The following ADARB2 variants were observed in gnomAD, a reference collection of about 807,000 sequenced individuals.
The protein encoded by ADARB2 is adenosine deaminase RNA specific B2 (inactive).
A neutral mutation model predicts 62.2 loss-of-function variants in ADARB2; 25 were observed. The observed-to-expected ratio is 0.40, with a 90% confidence interval of 0.29 to 0.56. The LOEUF (loss-of-function observed/expected upper bound fraction) is 0.56, where lower values mean the gene tolerates loss of function less well. Ranked by LOEUF, ADARB2 falls within the 20% of genes least tolerant of loss-of-function variation. The probability of loss-of-function intolerance (pLI) is 0.43; values close to 1 mark genes in which losing one functional copy is unlikely to be tolerated. For synonymous variants in ADARB2, 572 were observed against 500.8 expected, an observed-to-expected ratio of 1.14 and a Z score of -1.90; for missense variants, 1,071 against 1,077.4, an observed-to-expected ratio of 0.99 and a Z score of 0.08.
rs539957381 is a variant in ADARB2 at position 1,477,768 on chromosome 10, G to C, written c.101-98608C>G. ...AGACATAAATAGAGACCACAGCCACGTGTTATTTCATGCTATGTTTAAATC... is the reference window on the plus strand; with the variant it reads ...AGACATAAATAGAGACCACAGCCACCTGTTATTTCATGCTATGTTTAAATC... On this transcript the variant is annotated intron_variant, in intron 1 of 9. Coordinates refer to ENST00000381312, the MANE Select transcript of ADARB2 (RefSeq NM_018702.4). This position sits in a 1 kb window ranked among gnomAD's most constrained non-coding sequence, Gnocchi z 4.5. 6.6e-6 allele frequency among the ~76,000 whole-genome samples: 1 copy of C among 152,216 alleles called. No homozygotes were observed. Among genetic ancestry groups the C allele is most frequent in the African/African-American group, 2.4e-5 (1 of 41,456 alleles).
rs79700480 is a variant in ADARB2 at position 1,352,962 on chromosome 10, G to C, written c.1077+10066C>G. On this transcript the variant is annotated intron_variant, in intron 3 of 9. Transcript: ENST00000381312. ...ACCAGGCCTAATCCCCACACACCAGGAAAGGCAGGCTATACTATAGTACAA... is the reference window on the plus strand; with the variant it reads ...ACCAGGCCTAATCCCCACACACCAGCAAAGGCAGGCTATACTATAGTACAA... 4.6e-5 allele frequency among the ~76,000 whole-genome samples: 7 copies of C among 152,206 alleles called. No individual in the cohort carries two copies. The South Asian group carries it at 1.2e-3, about 27-fold the overall frequency.
At chr10:1,736,925 G>T in intron 1 of ADARB2, 126 bp downstream of exon 1, 2 of 934,316 alleles carry the variant, frequency 2.1e-6, no homozygotes, top group South Asian at 1.5e-5. Context: ...GCACGGAGCA[G>T]CCATCCCGCC....
At chr10:1,516,339 A>T (rs1195428563) in intron 1 of ADARB2, among the ~76,000 whole-genome samples, 1 of 152,216 alleles carries the variant, frequency 6.6e-6, no homozygotes, top group Non-Finnish European at 1.5e-5. Context: ...CCATGGGTGC[A>T]ACAGAGGCGG....
In ADARB2 at chr10:1,553,795, G is replaced by A. The variant is rs1278554272; in HGVS notation, c.101-174635C>T. Among the ~76,000 whole-genome samples, 7 of 152,196 alleles carry A rather than the reference G, an allele frequency of 4.6e-5. No individual in the cohort carries two copies. In the East Asian group the frequency reaches 5.8e-4, roughly 13 times the overall value. On this transcript the variant is annotated intron_variant, in intron 1 of 9. Transcript: ENST00000381312. ...TTGTGCTCTTCTAAGCGCAGCGACC[G>A]TGGCAGGAATAACGAGCTACAGAGG...
At chr10:1,632,429 A>G (rs980760038) in intron 1 of ADARB2, among the ~76,000 whole-genome samples, 1 of 151,946 alleles carries the variant, frequency 6.6e-6, no homozygotes, top group Non-Finnish European at 1.5e-5. Flanking sequence ...TGGGCACACA[A>G]GTGCTTGCAC....
intron 4 of ADARB2, among the ~76,000 whole-genome samples, chr10:1,270,453 T>C (rs1037719184): frequency 1.3e-5 from 2 of 152,228 alleles, no homozygotes; most frequent in Non-Finnish European, 2.9e-5. Context: ...TGGCTCGTTG[T>C]TTCCACAGGG....
chr10:1,453,019 G>T (rs983336696), intron 1 of ADARB2, among the ~76,000 whole-genome samples: 5 of 152,164 alleles, frequency 3.3e-5, no homozygotes, highest in Admixed American at 6.5e-5. Flanking sequence ...GCACGTCCCA[G>T]GTGCCACTGC....
intron 1 of ADARB2, among the ~76,000 whole-genome samples, chr10:1,419,372 T>C (rs1832834184): frequency 6.6e-6 from 1 of 152,216 alleles, no homozygotes; most frequent in Non-Finnish European, 1.5e-5. Context: ...AAGAATCTAC[T>C]CCCAATTTAA....
rs544242175 is a variant in ADARB2 at position 1,568,795 on chromosome 10, T to C, written c.100+168256A>G. On this transcript the variant is annotated intron_variant, in intron 1 of 9. Transcript: ENST00000381312. The stretch of plus-strand genomic sequence containing the variant: ...TTCTGTGTGCATATATCTATATGTC[T>C]CTATCTCTATCTATCTATCTATCTA... Among the ~76,000 whole-genome samples the C allele has an allele frequency of 2.1e-4, 28 of 133,402 alleles. No individual in the cohort carries two copies. The South Asian group carries it at 7.3e-3, about 35-fold the overall frequency. The allele number at this position is 133,402 out of a possible 152,430, so 87.5% of individuals were successfully genotyped here. A position where few individuals can be genotyped will look rare whatever the true frequency, so the allele number is the denominator to read the frequency against.
At chr10:1,663,817 C>T (rs965590657) in intron 1 of ADARB2, among the ~76,000 whole-genome samples, 3 of 152,136 alleles carry the variant, frequency 2.0e-5, no homozygotes, top group African/African-American at 7.2e-5. Context: ...AGGGTTTCGC[C>T]ATCTTGACCA....
At chr10:1,482,404 G>A (rs908562902) in intron 1 of ADARB2, among the ~76,000 whole-genome samples, 5 of 152,212 alleles carry the variant, frequency 3.3e-5, no homozygotes, top group African/African-American at 4.8e-5. Context: ...GGAGGCATTA[G>A]GCTAAGTGAG....
chr10:1,737,398 G>C lies in ADARB2; in HGVS notation c.-248C>G, dbSNP rs900732736. 4 of 472,856 alleles carry C rather than the reference G, an allele frequency of 8.5e-6. No homozygotes were observed. Among genetic ancestry groups the C allele is most frequent in the Non-Finnish European group, 1.5e-5 (4 of 262,402 alleles). The allele number at this position is 472,856 out of a possible 1,614,324, so 29.3% of individuals were successfully genotyped here. On this transcript the variant is annotated 5_prime_UTR_variant, in exon 1 of 10. Coordinates refer to ENST00000381312, the MANE Select transcript of ADARB2 (RefSeq NM_018702.4). The stretch of plus-strand genomic sequence containing the variant: ...GAGCGAGCTGCTCCCTGGTCAGGGA[G>C]GGCGGGGAAGGGCGCGCGGCGTCCT...
intron 1 of ADARB2, among the ~76,000 whole-genome samples, chr10:1,510,648 G>C (rs1325725416): frequency 6.6e-6 from 1 of 152,176 alleles, no homozygotes; most frequent in East Asian, 1.9e-4. Flanking sequence ...TGGAGATGAA[G>C]GATAGAATCA....
At position 1,543,210 on chromosome 10, in the gene ADARB2, G is replaced by A. The variant is rs116225334; in HGVS notation, c.101-164050C>T. 6.5e-3 allele frequency among the ~76,000 whole-genome samples: 989 copies of A among 152,352 alleles called. 12 individuals are homozygous for A. The highest frequency in any genetic ancestry group is 0.023 in the African/African-American group (941 of 41,578). ...AGAAACGAAACCCTGAGAAGCAGAA[G>A]CCGGGCGTCCTGCCCGCCCTCCTCT... On this transcript the variant is annotated intron_variant, in intron 1 of 9. Coordinates refer to ENST00000381312, the MANE Select transcript of ADARB2 (RefSeq NM_018702.4).
At chr10:1,227,922 A>G (rs983133509) in intron 6 of ADARB2, among the ~76,000 whole-genome samples, 4 of 152,190 alleles carry the variant, frequency 2.6e-5, no homozygotes, top group Admixed American at 6.6e-5. Context: ...GCACTTTGCC[A>G]TATTTGATTG....
chr10:1,199,639 A>T, intron 8 of ADARB2: 1 of 229,132 alleles, frequency 4.4e-6, no homozygotes, highest in Non-Finnish European at 8.2e-6. Context: ...GCAGGTGGGC[A>T]GGTGGGCGGC....
intron 2 of ADARB2, among the ~76,000 whole-genome samples, chr10:1,377,501 C>T (rs1209650784): frequency 4.4e-5 from 6 of 135,778 alleles, no homozygotes; most frequent in Admixed American, 4.4e-4. Context: ...GTGTGCGCTC[C>T]TGGGGTGTGT....
intron 1 of ADARB2, among the ~76,000 whole-genome samples, chr10:1,675,617 A>G (rs1834458021): frequency 2.0e-5 from 3 of 146,948 alleles, no homozygotes. Flanking sequence ...TGGGGGGTAC[A>G]TGGATGTTCT....
chr10:1,560,224 C>G (rs1588302983), intron 1 of ADARB2, among the ~76,000 whole-genome samples: 2 of 152,318 alleles, frequency 1.3e-5, no homozygotes, highest in East Asian at 1.9e-4. Flanking sequence ...TGAAATGCAG[C>G]CTTGAAAAGA....
Sources: gnomAD v4.1 joint callset for allele counts (sites outside exome capture counted in the v4.1 genomes callset) on GRCh38, gnomAD v4.1.1 for gene constraint, Gnocchi (gnomAD v3.1) non-coding constraint, MANE v1.5 for transcripts, NCBI Gene and HGNC (gene_info 2026-07-23, HGNC 2026-07-21) for gene names.